ARSD: variants seen among roughly 807,000 people sequenced by gnomAD.
ARSD encodes testis tissue sperm-binding protein Li 39a.
ARSD carries 21 observed loss-of-function variants against 32.6 expected under a neutral mutation model. The observed-to-expected ratio is 0.64, with a 90% CI of 0.46 to 0.93. ARSD has a LOEUF of 0.93. Ranked by LOEUF, ARSD falls within the 40% of genes least tolerant of loss-of-function variation. The probability of loss-of-function intolerance (pLI) is 0.00; values close to 1 mark genes in which losing one functional copy is unlikely to be tolerated. For synonymous variants in ARSD, 224 were observed against 237.4 expected, an observed-to-expected ratio of 0.94 and a Z score of 0.52; for missense variants, 454 against 520.9, an observed-to-expected ratio of 0.87 and a Z score of 1.25.
intron 8 of ARSD, among the ~76,000 whole-genome samples, chrX:2,909,464 G>A (rs186304705): frequency 2.4e-3 from 271 of 111,094 alleles, no homozygotes; most frequent in African/African-American, 8.5e-3. Flanking sequence ...TAGGATTATC[G>A]GCATGAGCCA....
At chrX:2,926,823 C>T (rs776691613) in intron 1 of ARSD, among the ~76,000 whole-genome samples, 1 of 111,210 alleles carries the variant, frequency 9.0e-6, no homozygotes, top group South Asian at 3.8e-4. Flanking sequence ...GAGATGGGGT[C>T]TTGCTGTGCT....
intron 6 of ARSD, among the ~76,000 whole-genome samples, chrX:2,912,813 G>A (rs1432359732): frequency 8.9e-6 from 1 of 111,891 alleles, no homozygotes; most frequent in Non-Finnish European, 1.9e-5. Context: ...TGATGGCTCA[G>A]CAGCGCAGAG....
rs1011395796 is a variant in ARSD, at chrX:2,906,395, G to T, written c.*876C>A. 3 of 111,242 alleles carry T rather than the reference G, an allele frequency of 2.7e-5. No homozygotes were observed. Among genetic ancestry groups the T allele is most frequent in the African/African-American group, 9.8e-5 (3 of 30,512 alleles). The allele number at this position is 111,242 out of a possible 1,213,427, so 9.2% of individuals were successfully genotyped here. A position where few individuals can be genotyped will look rare whatever the true frequency, so the allele number is the denominator to read the frequency against. On this transcript the variant is annotated 3_prime_UTR_variant, in exon 10 of 10. Transcript: ENST00000381154. ...AGGCTCAAGTGATCCTCCCACCTTAGCCTCCCAAAGTGCTGGGATTACAGG... is the reference window on the plus strand; with the variant it reads ...AGGCTCAAGTGATCCTCCCACCTTATCCTCCCAAAGTGCTGGGATTACAGG...
chrX:2,923,592 C>G (rs892470942), intron 2 of ARSD, among the ~76,000 whole-genome samples: 4 of 112,246 alleles, frequency 3.6e-5, no homozygotes, highest in African/African-American at 6.5e-5. Context: ...ACCCTGGGCT[C>G]GTAGACACCA....
chrX:2,924,835 G>A (rs1443226569), intron 2 of ARSD, among the ~76,000 whole-genome samples: 1 of 111,786 alleles, frequency 8.9e-6, no homozygotes, highest in Non-Finnish European at 1.9e-5. Flanking sequence ...GGCACAAACT[G>A]GAGTGATGTG....
intron 7 of ARSD, 53 bp downstream of exon 7, chrX:2,910,603 CAGT>C (rs1270965808): frequency 1.1e-5 from 13 of 1,203,073 alleles, no homozygotes; most frequent in Non-Finnish European, 1.5e-5. Context: ...CTGGGACCCT[CAGT>C]GGTGGCAGAT....
At position 2,908,810 on chromosome X, in the gene ARSD, A is replaced by C; in HGVS notation, c.1331T>G (p.Leu444Arg). ...VIDGHSLVPL[L>R]QGAEARSAHE... Reference sequence around the variant, plus strand: ...TGCCGAGCGTGCCTCAGCTCCCTGCAGCAAGGGTACCAGGCTGTGGCCATC... The same window carrying C: ...TGCCGAGCGTGCCTCAGCTCCCTGCCGCAAGGGTACCAGGCTGTGGCCATC... Residue 444 changes from leucine (L) to arginine (R), a missense_variant, in exon 9 of 10, where the codon CTG (leucine) becomes CGG (arginine). This residue lies in a region of ARSD where 179 missense variants were observed against 198.5 expected (regional missense o/e 0.90). Coordinates refer to ENST00000381154, the MANE Select transcript of ARSD (RefSeq NM_001669.4). 8.3e-7 allele frequency: 1 copy of C among 1,211,194 alleles called. No individual in the cohort carries two copies. The highest frequency in any genetic ancestry group is 1.8e-5 in the South Asian group (1 of 56,915).
chrX:2,922,763 A>G (rs1165005228), intron 2 of ARSD, among the ~76,000 whole-genome samples: 1 of 98,720 alleles, frequency 1.0e-5, no homozygotes, highest in Non-Finnish European at 2.0e-5. Context: ...GCTTGAGCCC[A>G]GGAGGCGGAG....
At chrX:2,908,073 C>T in intron 9 of ARSD, 1 of 475,409 alleles carries the variant, frequency 2.1e-6, no homozygotes. Flanking sequence ...TCTATCAATC[C>T]ATCCATTTAT....
At chrX:2,929,207 G>A (rs1019292179) in intron 1 of ARSD, 25 bp downstream of exon 1, 8 of 1,038,832 alleles carry the variant, frequency 7.7e-6, no homozygotes, top group Non-Finnish European at 6.1e-6. Flanking sequence ...CCTTAGTATG[G>A]GCCGCGTCCC....
chrX:2,911,834 G>C (rs1335608149), intron 6 of ARSD, among the ~76,000 whole-genome samples: 1 of 110,661 alleles, frequency 9.0e-6, no homozygotes, highest in African/African-American at 3.3e-5. Context: ...CATTGAAACA[G>C]AGACCTATGA....
chrX:2,918,633 G>T (rs1327505424), intron 4 of ARSD, among the ~76,000 whole-genome samples: 1 of 110,836 alleles, frequency 9.0e-6, no homozygotes, highest in Admixed American at 9.6e-5. Flanking sequence ...CCAGCTACTC[G>T]GGAGGCTGAG....
Position 2,908,541 on chromosome X carries a change from C to CCCCT in ARSD, c.1420+179_1420+180insAGGG, listed in dbSNP as rs1338049445. 3.4e-3 allele frequency among the ~76,000 whole-genome samples: 341 copies of CCCCT among 100,378 alleles called. 5 individuals are homozygous for CCCCT. Among genetic ancestry groups the CCCCT allele is most frequent in the African/African-American group, 0.012 (328 of 27,306 alleles). The allele number at this position is 100,378 out of a possible 115,157, so 87.2% of individuals were successfully genotyped here. ...TCTCTCTCTCTCTCTCTCTCCCCCC[C>CCCCT]CCATCATCTATCTATAATCTACTCA... On this transcript the variant is annotated intron_variant, in intron 9 of 9. Transcript: ENST00000381154.
chrX:2,927,011 G>A (rs750595074), intron 1 of ARSD, among the ~76,000 whole-genome samples: 1 of 107,362 alleles, frequency 9.3e-6, no homozygotes, highest in African/African-American at 3.4e-5. Context: ...GGGTGTGTGA[G>A]GGGACACGGC....
chrX:2,914,091 A>C (rs1352280810), intron 6 of ARSD: 6 of 723,796 alleles, frequency 8.3e-6, no homozygotes, highest in Non-Finnish European at 8.2e-6. Flanking sequence ...TTTCTTTATA[A>C]ATTACCCAGT....
intron 8 of ARSD, among the ~76,000 whole-genome samples, chrX:2,909,069 A>G (rs2088879423): frequency 9.6e-6 from 1 of 104,423 alleles, no homozygotes; most frequent in Admixed American, 9.9e-5. Context: ...GCAGCACTGC[A>G]TAAGCAGAGT....
chrX:2,928,786 G>A (rs1325240497), intron 1 of ARSD, among the ~76,000 whole-genome samples: 31 of 109,185 alleles, frequency 2.8e-4, no homozygotes, highest in Admixed American at 5.8e-4. Context: ...GCAGAGCGGG[G>A]GGCGCGGTTC....
intron 4 of ARSD, among the ~76,000 whole-genome samples, chrX:2,918,564 C>G (rs867415631): frequency 9.1e-6 from 1 of 110,441 alleles, no homozygotes; most frequent in Non-Finnish European, 1.9e-5. Flanking sequence ...TCCTGGCTAA[C>G]ACGGTGAAAC....
chrX:2,922,644 A>G (rs1466574727), intron 2 of ARSD, among the ~76,000 whole-genome samples: 3 of 108,388 alleles, frequency 2.8e-5, no homozygotes, highest in African/African-American at 1.0e-4. Context: ...AGACAAACCT[A>G]GCCAACATGG....
Sources: allele counts gnomAD v4.1 joint callset (sites outside exome capture counted in the v4.1 genomes callset), GRCh38; gene constraint gnomAD v4.1.1; regional missense constraint gnomAD v4.1.1; transcripts MANE v1.5; gene names NCBI Gene and HGNC (gene_info 2026-07-23, HGNC 2026-07-21).